AFF4: variants seen among roughly 807,000 people sequenced by gnomAD.
AFF4 encodes ALF transcription elongation factor 4.
Under a neutral mutation model 124.8 loss-of-function variants are expected in AFF4, and 13 were observed. The observed-to-expected ratio is 0.10, with a 90% CI of 0.07 to 0.17. AFF4 has a LOEUF of 0.17. AFF4 is among the 10% of genes least tolerant of loss of function. The pLI, the probability that AFF4 is intolerant of heterozygous loss-of-function variation, is 1.00. For synonymous variants in AFF4, 477 were observed against 496.1 expected (o/e 0.96, Z 0.51); for missense variants, 1,092 against 1,403.8 (o/e 0.78, Z 3.55).
At position 132,878,904 on chromosome 5, in the gene AFF4, C is replaced by T. The variant is rs1445652928; in HGVS notation, c.*2155G>A. On this transcript the variant is annotated 3_prime_UTR_variant, in exon 21 of 21. Transcript: ENST00000265343. Reference sequence around the variant, plus strand: ...CTGAAAGCCCAGAGGATACTTTTTCCATTTCTAAGACATCACTGCAAATTA... The same window carrying T: ...CTGAAAGCCCAGAGGATACTTTTTCTATTTCTAAGACATCACTGCAAATTA... The T allele has an allele frequency of 4.5e-6, 1 of 221,562 alleles. No homozygotes were observed. Among genetic ancestry groups the T allele is most frequent in the Non-Finnish European group, 9.0e-6 (1 of 110,776 alleles). 13.7% of individuals were successfully genotyped at this position (221,562 alleles called of 1,614,324 possible). A position where few individuals can be genotyped will look rare whatever the true frequency, so the allele number is the denominator to read the frequency against.
chr5:132,894,527 C>A (rs1456663898), intron 11 of AFF4, among the ~76,000 whole-genome samples: 1 of 152,196 alleles, frequency 6.6e-6, no homozygotes, highest in African/African-American at 2.4e-5. Flanking sequence ...TTCCCCTATA[C>A]AAATGAATAA....
chr5:132,951,061 C>T (rs1761832737), intron 1 of AFF4, among the ~76,000 whole-genome samples: 1 of 152,094 alleles, frequency 6.6e-6, no homozygotes, highest in African/African-American at 2.4e-5. Flanking sequence ...CCTGTCTCTA[C>T]TAAAATTACA....
intron 5 of AFF4, among the ~76,000 whole-genome samples, chr5:132,909,555 T>C (rs1222706910): frequency 6.6e-6 from 1 of 152,198 alleles, no homozygotes; most frequent in Non-Finnish European, 1.5e-5. Context: ...TGTGTGTATC[T>C]GTGTGTGAGA....
At chr5:132,919,039 C>T (rs1414731146) in intron 5 of AFF4, among the ~76,000 whole-genome samples, 2 of 152,014 alleles carry the variant, frequency 1.3e-5, no homozygotes, top group African/African-American at 4.8e-5. Context: ...CACCACCATG[C>T]CCCGTGCCCA....
Position 132,879,936 on chromosome 5 carries a change from T to C in AFF4, c.*1123A>G, listed in dbSNP as rs1442155944. ...GATAGGTTTAAAAAGGAGAAATTCA[T>C]CATCTCTACATCAGGCATTAGAACT... On this transcript the variant is annotated 3_prime_UTR_variant, in exon 21 of 21. Transcript: ENST00000265343. The C allele has an allele frequency of 3.1e-6, 1 of 324,320 alleles. No individual in the cohort carries two copies. Among genetic ancestry groups the C allele is most frequent in the African/African-American group, 2.1e-5 (1 of 47,452 alleles). 20.1% of individuals were successfully genotyped at this position (324,320 alleles called of 1,614,324 possible).
chr5:132,907,775 A>G (rs757075904), intron 5 of AFF4, among the ~76,000 whole-genome samples: 6 of 152,164 alleles, frequency 3.9e-5, no homozygotes, highest in Non-Finnish European at 8.8e-5. Context: ...AAACATGTGT[A>G]AAGTCCAGCT....
intron 7 of AFF4, 115 bp downstream of exon 7, chr5:132,902,327 T>A: frequency 1.2e-6 from 1 of 814,370 alleles, no homozygotes; most frequent in Non-Finnish European, 2.0e-6. Context: ...GGATTACAGG[T>A]GTCAGCCACC....
At chr5:132,921,092 A>AC (rs893726118) in intron 5 of AFF4, among the ~76,000 whole-genome samples, 1 of 149,952 alleles carries the variant, frequency 6.7e-6, no homozygotes, top group Non-Finnish European at 1.5e-5. Context: ...GCGCCACTGC[A>AC]CTCTAGCCTG....
Position 132,963,580 on chromosome 5 carries a change from G to T in AFF4, c.-326C>A. On this transcript the variant is annotated 5_prime_UTR_variant, in exon 1 of 21. Coordinates refer to ENST00000265343, the MANE Select transcript of AFF4 (RefSeq NM_014423.4). ...GACCTGGCACCAGGATCCCCGCCCCGTCCGCTGGCGGCGGCGACGGCAGCT... is the reference window on the plus strand; with the variant it reads ...GACCTGGCACCAGGATCCCCGCCCCTTCCGCTGGCGGCGGCGACGGCAGCT... 2.5e-6 allele frequency: 1 copy of T among 397,808 alleles called. No individual in the cohort carries two copies. The highest frequency in any genetic ancestry group is 4.4e-6 in the Non-Finnish European group (1 of 225,538). 24.6% of individuals were successfully genotyped at this position (397,808 alleles called of 1,614,324 possible). A position where few individuals can be genotyped will look rare whatever the true frequency, so the allele number is the denominator to read the frequency against.
chr5:132,948,293 C>T (rs552905059), intron 1 of AFF4, among the ~76,000 whole-genome samples: 55 of 152,246 alleles, frequency 3.6e-4, no homozygotes, highest in Middle Eastern at 3.4e-3. Flanking sequence ...TCATGATCCG[C>T]CCACCTCAGC....
intron 5 of AFF4, among the ~76,000 whole-genome samples, chr5:132,915,284 T>C (rs1315977810): frequency 6.7e-6 from 1 of 149,930 alleles, no homozygotes; most frequent in Admixed American, 6.7e-5. Flanking sequence ...GAGCTTGCAG[T>C]GAGCCGAGAT....
At chr5:132,898,154 T>C in intron 10 of AFF4, 76 bp downstream of exon 10, 1 of 1,521,948 alleles carries the variant, frequency 6.6e-7, no homozygotes, top group South Asian at 1.2e-5. Flanking sequence ...CTTTTATATT[T>C]GGATCAGGTT....
chr5:132,898,835 A>C (rs1399379515), intron 9 of AFF4, among the ~76,000 whole-genome samples: 1 of 152,184 alleles, frequency 6.6e-6, no homozygotes, highest in Non-Finnish European at 1.5e-5. Flanking sequence ...AATTCTATGA[A>C]TCCAGAGCTT....
chr5:132,921,462 C>CTTTTT (rs759442039), intron 5 of AFF4, among the ~76,000 whole-genome samples: 1 of 129,532 alleles, frequency 7.7e-6, no homozygotes. Context: ...CAGTTGTTTT[C>CTTTTT]TTTTTTTTTT....
In AFF4 at chr5:132,878,944, G is replaced by T; in HGVS notation, c.*2115C>A. ...ACTGCAAATTAAGGAATCCAAGTCAGAAAAATCAGAGAAGGACAAGACATA... is the reference window on the plus strand; with the variant it reads ...ACTGCAAATTAAGGAATCCAAGTCATAAAAATCAGAGAAGGACAAGACATA... On this transcript the variant is annotated 3_prime_UTR_variant, in exon 21 of 21. Transcript: ENST00000265343. 4.5e-6 allele frequency: 1 copy of T among 221,672 alleles called. No individual in the cohort carries two copies. Among genetic ancestry groups the T allele is most frequent in the Non-Finnish European group, 9.0e-6 (1 of 110,842 alleles). The allele number at this position is 221,672 out of a possible 1,614,324, so 13.7% of individuals were successfully genotyped here.
chr5:132,892,044 A>G lies in AFF4; in HGVS notation c.2637+120T>C, dbSNP rs1446102540. ...CAGGATTATTACATATAGAGGGTAA[A>G]AGACATAGGCCTATATATTTACTGA... On this transcript the variant is annotated intron_variant, in intron 13 of 20. Transcript: ENST00000265343. 5 of 1,434,364 alleles carry G rather than the reference A, an allele frequency of 3.5e-6. No homozygotes were observed. The East Asian group carries it at 1.1e-4, about 33-fold the overall frequency. The allele number at this position is 1,434,364 out of a possible 1,614,324, so 88.9% of individuals were successfully genotyped here. A position where few individuals can be genotyped will look rare whatever the true frequency, so the allele number is the denominator to read the frequency against.
At chr5:132,916,957 G>A (rs765292194) in intron 5 of AFF4, among the ~76,000 whole-genome samples, 1 of 151,690 alleles carries the variant, frequency 6.6e-6, no homozygotes, top group African/African-American at 2.4e-5. Flanking sequence ...TTTCGCTCTT[G>A]TTGCCCAGGC....
chr5:132,962,801 CTTCT>C (rs1278191794), intron 1 of AFF4, among the ~76,000 whole-genome samples: 13 of 133,412 alleles, frequency 9.7e-5, no homozygotes, highest in South Asian at 2.2e-4. Context: ...GAAATTTTTC[CTTCT>C]TTTTTTTTTT....
chr5:132,876,505 T>A lies in AFF4; in HGVS notation c.*4554A>T, dbSNP rs572875368. On this transcript the variant is annotated 3_prime_UTR_variant, in exon 21 of 21. Coordinates refer to ENST00000265343, the MANE Select transcript of AFF4 (RefSeq NM_014423.4). ...CTTTTTTATTTTTAAGAATGGCAAG[T>A]TATGTTTAGCTGAGTAACAGTGGCA... 11 of 217,456 alleles carry A rather than the reference T, an allele frequency of 5.1e-5. No homozygotes were observed. The South Asian group carries it at 2.0e-3, about 40-fold the overall frequency. The allele number at this position is 217,456 out of a possible 1,614,324, so 13.5% of individuals were successfully genotyped here. A position where few individuals can be genotyped will look rare whatever the true frequency, so the allele number is the denominator to read the frequency against.
Sources: gnomAD v4.1 joint callset for allele counts (sites outside exome capture counted in the v4.1 genomes callset) on GRCh38, gnomAD v4.1.1 for gene constraint, MANE v1.5 for transcripts, NCBI Gene and HGNC (gene_info 2026-07-23, HGNC 2026-07-21) for gene names.